The following DPP10 variants were observed in gnomAD, a reference collection of about 807,000 sequenced individuals.
The protein encoded by DPP10 is dipeptidyl peptidase like 10, also known as inactive dipeptidyl peptidase 10.
DPP10 carries 33 observed loss-of-function variants against 120.9 expected under a neutral mutation model. That is an observed-to-expected ratio of 0.27 (90% CI 0.21 to 0.37). The LOEUF (loss-of-function observed/expected upper bound fraction) is 0.37, where lower values mean the gene tolerates loss of function less well. DPP10 is among the 10% of genes least tolerant of loss of function. DPP10 has a pLI of 1.00. For missense variants in DPP10, 816 were observed against 942.8 expected (o/e 0.87, Z 1.76); for synonymous variants, 337 against 326.1 (o/e 1.03, Z -0.36).
intron 1 of DPP10, among the ~76,000 whole-genome samples, chr2:114,560,571 G>A (rs2104939743): frequency 6.6e-6 from 1 of 152,238 alleles, no homozygotes; most frequent in South Asian, 2.1e-4. Flanking sequence ...CTGGTCCTGG[G>A]TGAGGAGAGA....
chr2:115,525,958 T>G lies in DPP10; in HGVS notation c.427T>G (p.Tyr143Asp). Residue 143 changes from tyrosine to aspartate, a missense_variant, in exon 5 of 26, where the codon TAT becomes GAT. This residue lies in a region of DPP10 where 182 missense variants were observed against 207.4 expected (regional missense o/e 0.88). Coordinates refer to ENST00000410059, the MANE Select transcript of DPP10 (RefSeq NM_020868.6). ...AGATTTAAAATATGTCCTTCTGGCA[T>G]ATGATGTCAAACAGGTAAAGGAGTG... ...SPDLKYVLLA[Y>D]DVKQIFHYSY... 6.2e-7 allele frequency: 1 copy of G among 1,610,608 alleles called. No individual in the cohort carries two copies. Among genetic ancestry groups the G allele is most frequent in the Non-Finnish European group, 8.5e-7 (1 of 1,178,344 alleles).
intron 5 of DPP10, among the ~76,000 whole-genome samples, chr2:115,651,375 C>A (rs2087754963): frequency 6.6e-6 from 1 of 151,984 alleles, no homozygotes; most frequent in African/African-American, 2.4e-5. Context: ...GAGAAAATGA[C>A]TTGAACCTTT....
At chr2:115,004,514 C>G (rs1224872531) in intron 1 of DPP10, among the ~76,000 whole-genome samples, 2 of 152,150 alleles carry the variant, frequency 1.3e-5, no homozygotes, top group Admixed American at 6.5e-5. Flanking sequence ...GGTGCGTGCA[C>G]CGTGCGCGAG....
intron 1 of DPP10, among the ~76,000 whole-genome samples, chr2:114,762,620 A>G (rs1050684988): frequency 3.9e-5 from 6 of 152,238 alleles, no homozygotes; most frequent in African/African-American, 1.4e-4. Context: ...TAAAATAGCT[A>G]TGAGTTTCCC....
At chr2:114,442,941 T>C (rs1677739633) in intron 1 of DPP10, 103 bp downstream of exon 1, 2 of 1,399,176 alleles carry the variant, frequency 1.4e-6, no homozygotes, top group East Asian at 2.4e-5. Context: ...ACATACCTAC[T>C]TGATTTGAGT....
intron 1 of DPP10, among the ~76,000 whole-genome samples, chr2:115,132,161 G>T (rs577090138): frequency 6.6e-6 from 1 of 152,176 alleles, no homozygotes; most frequent in African/African-American, 2.4e-5. Flanking sequence ...TAGACTGGAA[G>T]TCTTTGTCTA....
At chr2:115,786,559 G>C (rs1052121171) in intron 17 of DPP10, among the ~76,000 whole-genome samples, 3 of 151,996 alleles carry the variant, frequency 2.0e-5, no homozygotes, top group Non-Finnish European at 4.4e-5. Flanking sequence ...CAAATCAACT[G>C]TTTCCAGACA....
intron 1 of DPP10, among the ~76,000 whole-genome samples, chr2:114,837,004 C>T (rs1172385179): frequency 6.6e-6 from 1 of 152,058 alleles, no homozygotes; most frequent in Non-Finnish European, 1.5e-5. Flanking sequence ...GTTCTTTTTT[C>T]AAGGTGCCCA....
chr2:115,100,220 G>T (rs913139278), intron 1 of DPP10, among the ~76,000 whole-genome samples: 1 of 152,116 alleles, frequency 6.6e-6, no homozygotes, highest in Non-Finnish European at 1.5e-5. Context: ...CAAGGCAAGA[G>T]GATCACTTGA....
intron 5 of DPP10, chr2:115,579,655 A>G (rs182672478): frequency 6.6e-6 from 1 of 152,324 alleles, no homozygotes; most frequent in East Asian, 1.9e-4. Flanking sequence ...TTGACAGATA[A>G]TATTTAAAGA....
chr2:114,527,986 A>G (rs780952506), intron 1 of DPP10, among the ~76,000 whole-genome samples: 3 of 152,176 alleles, frequency 2.0e-5, no homozygotes, highest in Non-Finnish European at 4.4e-5. Context: ...GAGACACATG[A>G]CTGTTGTCTC....
intron 1 of DPP10, among the ~76,000 whole-genome samples, chr2:114,537,307 G>C (rs1686584577): frequency 6.6e-6 from 1 of 152,050 alleles, no homozygotes; most frequent in African/African-American, 2.4e-5. Flanking sequence ...CACCTAGGAA[G>C]GAAAACCGAT....
chr2:115,004,724 T>G (rs1016752927), intron 1 of DPP10, among the ~76,000 whole-genome samples: 5 of 152,086 alleles, frequency 3.3e-5, no homozygotes, highest in African/African-American at 1.2e-4. Context: ...TCCTACCCCA[T>G]GGAGTCTCAC....
At position 115,100,560 on chromosome 2, in the gene DPP10, A is replaced by ATG. The variant is rs528548656; in HGVS notation, c.61-208669_61-208668dup. Among the ~76,000 whole-genome samples the ATG allele has an allele frequency of 7.8e-4, 119 of 152,014 alleles. 1 individual carries two copies. The Middle Eastern group carries it at 0.021, about 26-fold the overall frequency. ...TGTATATACGTATGTGTGTATGTAC[A>ATG]TGTGTGTGTGTATGTGTGTGTGTGT... On this transcript the variant is annotated intron_variant, in intron 1 of 25. Transcript: ENST00000410059.
At position 114,631,807 on chromosome 2, in the gene DPP10, T is replaced by A. The variant is rs1340309010; in HGVS notation, c.60+188969T>A. On this transcript the variant is annotated intron_variant, in intron 1 of 25. Coordinates refer to ENST00000410059, the MANE Select transcript of DPP10 (RefSeq NM_020868.6). Reference sequence around the variant, plus strand: ...ATCAATAATTTCCAATCATCTAGTGTCTGGTATATATGCAAAATTTCCCAA... The same window carrying A: ...ATCAATAATTTCCAATCATCTAGTGACTGGTATATATGCAAAATTTCCCAA... Among the ~76,000 whole-genome samples the A allele has an allele frequency of 7.9e-5, 12 of 152,200 alleles. 1 individual carries two copies. Among genetic ancestry groups the A allele is most frequent in the Admixed American group, 5.9e-4 (9 of 15,268 alleles).
At position 115,668,096 on chromosome 2, in the gene DPP10, C is replaced by T. The variant is rs113652787; in HGVS notation, c.442-21591C>T. ...ATTTTGGTTAGAAGCCATATATCTT[C>T]AGTACAGTAGTAGAAACTTATTAAA... On this transcript the variant is annotated intron_variant, in intron 5 of 25. Transcript: ENST00000410059. Among the ~76,000 whole-genome samples, 803 of 152,140 alleles carry T rather than the reference C, an allele frequency of 5.3e-3. 8 individuals carry two copies. The highest frequency in any genetic ancestry group is 0.019 in the African/African-American group (775 of 41,536).
At chr2:114,485,560 C>A (rs2104701746) in intron 1 of DPP10, among the ~76,000 whole-genome samples, 1 of 118,816 alleles carries the variant, frequency 8.4e-6, no homozygotes, top group South Asian at 2.3e-4. Flanking sequence ...TTGGTTTGCA[C>A]TAGTGTTGTG....
chr2:114,943,760 A>G (rs1697146481), intron 1 of DPP10, among the ~76,000 whole-genome samples: 1 of 152,244 alleles, frequency 6.6e-6, no homozygotes, highest in Admixed American at 6.5e-5. Context: ...TAGAAAATAC[A>G]GAAGTTATAA....
At chr2:115,183,830 G>A (rs1378889209) in intron 1 of DPP10, among the ~76,000 whole-genome samples, 2 of 152,108 alleles carry the variant, frequency 1.3e-5, no homozygotes, top group African/African-American at 2.4e-5. Context: ...GATCGAAAGA[G>A]CTTTTTAAAA....
Sources: gnomAD v4.1 joint callset for allele counts (sites outside exome capture counted in the v4.1 genomes callset) on GRCh38, gnomAD v4.1.1 for gene constraint, gnomAD v4.1.1 regional missense constraint, MANE v1.5 for transcripts, NCBI Gene and HGNC (gene_info 2026-07-23, HGNC 2026-07-21) for gene names.